Variants in MYADM observed in about 807,000 individuals in gnomAD.
MYADM encodes the protein myeloid associated differentiation marker, also known as myeloid-associated differentiation marker.
For synonymous variants in MYADM, 224 were observed against 210.2 expected (o/e 1.07, Z -0.57); for missense variants, 416 against 443.4 (o/e 0.94, Z 0.56).
Position 53,874,385 on chromosome 19 carries a change from T to A in MYADM, c.856T>A (p.Tyr286Asn). Reference protein sequence around the residue: ...DVSCSRSHAYYVCAWDRRLAV... With the variant: ...DVSCSRSHAYNVCAWDRRLAV... ...AAGCTGCAGCCGCAGCCATGCCTAC[T>A]ACGTGTGTGCCTGGGACCGCCGACT... The change falls in exon 3 of 3, where the codon TAC becomes AAC. Residue 286 changes from tyrosine to asparagine, a missense_variant. Tyr to Asn is a moderately radical substitution (Grantham distance 143, BLOSUM62 -2). Transcript: ENST00000391770. 2.5e-6 allele frequency: 4 copies of A among 1,614,208 alleles called. No homozygotes were observed. Among genetic ancestry groups the A allele is most frequent in the African/African-American group, 1.3e-5 (1 of 75,068 alleles).
intron 2 of MYADM, among the ~76,000 whole-genome samples, chr19:53,870,229 T>C (rs1296672384): frequency 7.8e-4 from 14 of 18,016 alleles, no homozygotes; most frequent in African/African-American, 4.5e-3. Flanking sequence ...GGGGCTGGGG[T>C]CTGGACTCCT....
At position 53,874,930 on chromosome 19, in the gene MYADM, C is replaced by T. The variant is rs1015401425; in HGVS notation, c.*432C>T. The stretch of plus-strand genomic sequence containing the variant: ...AGCTGGGAGGACAGGTGTGAGCTGC[C>T]GCACCCAGCCTGTTTCTCTTTTTCC... On this transcript the variant is annotated 3_prime_UTR_variant, in exon 3 of 3. Transcript: ENST00000391770. 3.0e-5 allele frequency: 5 copies of T among 168,050 alleles called. No homozygotes were observed. Among genetic ancestry groups the T allele is most frequent in the East Asian group, 1.9e-4 (1 of 5,208 alleles). 10.4% of individuals were successfully genotyped at this position (168,050 alleles called of 1,614,324 possible).
rs952273474 is a variant in MYADM at position 53,875,833 on chromosome 19, G to C, written c.*1335G>C. 3.7e-5 allele frequency: 6 copies of C among 164,196 alleles called. No homozygotes were observed. The highest frequency in any genetic ancestry group is 6.6e-5 in the Admixed American group (1 of 15,238). The allele number at this position is 164,196 out of a possible 1,614,324, so 10.2% of individuals were successfully genotyped here. On this transcript the variant is annotated 3_prime_UTR_variant, in exon 3 of 3. Coordinates refer to ENST00000391770, the MANE Select transcript of MYADM (RefSeq NM_138373.5). The stretch of plus-strand genomic sequence containing the variant: ...CCACTGTGCTCCAGCCTGGGGGACA[G>C]AGCGAGACTCCATCTCAAAAAAAAA...
intron 2 of MYADM, among the ~76,000 whole-genome samples, chr19:53,872,502 A>C (rs2068412084): frequency 6.6e-6 from 1 of 150,600 alleles, no homozygotes; most frequent in African/African-American, 2.4e-5. Flanking sequence ...GCCTATTTGT[A>C]ATTAAAAAAA....
Position 53,873,196 on chromosome 19 carries a change from C to A in MYADM, c.-2-332C>A, listed in dbSNP as rs1043959022. Reference sequence around the variant, plus strand: ...ACCATCCTGGCTAACACAGTGAAACCCCGTCTCTACTAAAAATACAAAAAA... The same window carrying A: ...ACCATCCTGGCTAACACAGTGAAACACCGTCTCTACTAAAAATACAAAAAA... On this transcript the variant is annotated intron_variant, in intron 2 of 2. Coordinates refer to ENST00000391770, the MANE Select transcript of MYADM (RefSeq NM_138373.5). The surrounding 1 kb of genome is among the most constrained non-coding windows in gnomAD (Gnocchi z 4.3). Among the ~76,000 whole-genome samples the A allele has an allele frequency of 2.6e-5, 4 of 151,890 alleles. No homozygotes were observed. The highest frequency in any genetic ancestry group is 7.3e-5 in the African/African-American group (3 of 41,378).
In MYADM at chr19:53,873,842, T is replaced by C. The variant is rs775929758; in HGVS notation, c.313T>C (p.Phe105Leu). 1.5e-5 allele frequency: 24 copies of C among 1,613,660 alleles called. No individual in the cohort carries two copies. The highest frequency in any genetic ancestry group is 1.9e-5 in the Non-Finnish European group (23 of 1,180,046). ...GTCTTGGCGCAACTTCCCCATCACC[T>C]TCGCCTGCTATGCGGCCCTCTTCTG... ...PLSWRNFPITFACYAALFCLS... is the reference protein window; with the variant it reads ...PLSWRNFPITLACYAALFCLS... The change falls in exon 3 of 3, where the codon TTC becomes CTC. Residue 105 changes from phenylalanine to leucine, a missense_variant. Physicochemically the swap from Phe to Leu is conservative, Grantham distance 22. Coordinates refer to ENST00000391770, the MANE Select transcript of MYADM (RefSeq NM_138373.5). This position sits in a 1 kb window ranked among gnomAD's most constrained non-coding sequence, Gnocchi z 4.3.
chr19:53,871,656 G>A (rs1399328865), intron 2 of MYADM, among the ~76,000 whole-genome samples: 2 of 152,184 alleles, frequency 1.3e-5, no homozygotes, highest in Admixed American at 6.5e-5. Flanking sequence ...GGGTCCCTGA[G>A]AGTGGAAGCC....
Position 53,876,217 on chromosome 19 carries a change from C to A in MYADM, c.*1719C>A, listed in dbSNP as rs936264304. On this transcript the variant is annotated 3_prime_UTR_variant, in exon 3 of 3. Transcript: ENST00000391770. ...GGGTGTTTCTGTGTGCTAGTTGCTT[C>A]TTGCTGCTGCTTCCTGCTTGTCTGG... The A allele has an allele frequency of 6.0e-6, 1 of 165,544 alleles. No individual in the cohort carries two copies. The highest frequency in any genetic ancestry group is 2.4e-5 in the African/African-American group (1 of 41,108). The allele number at this position is 165,544 out of a possible 1,614,324, so 10.3% of individuals were successfully genotyped here. A position where few individuals can be genotyped will look rare whatever the true frequency, so the allele number is the denominator to read the frequency against.
At chr19:53,872,175 A>G (rs1042566073) in intron 2 of MYADM, among the ~76,000 whole-genome samples, 1 of 151,934 alleles carries the variant, frequency 6.6e-6, no homozygotes, top group African/African-American at 2.4e-5. Flanking sequence ...CTGGGATTAC[A>G]GGCATGAGCC....
At chr19:53,871,321 G>A (rs1401316183) in intron 2 of MYADM, among the ~76,000 whole-genome samples, 1 of 152,226 alleles carries the variant, frequency 6.6e-6, no homozygotes, top group Non-Finnish European at 1.5e-5. Context: ...GAAATCTGGG[G>A]AGCTGAGTTT....
rs1386562851 is a variant in MYADM, at chr19:53,873,894, C to T, written c.365C>T (p.Thr122Ile). 1.9e-6 allele frequency: 3 copies of T among 1,612,946 alleles called. No individual in the cohort carries two copies. The highest frequency in any genetic ancestry group is 2.5e-6 in the Non-Finnish European group (3 of 1,180,042). The change falls in exon 3 of 3, where the codon ACC (threonine) becomes ATC (isoleucine). Residue 122 changes from threonine (T) to isoleucine (I), a missense_variant. Transcript: ENST00000391770. This position sits in a 1 kb window ranked among gnomAD's most constrained non-coding sequence, Gnocchi z 4.3. The part of the protein sequence containing the change: ...FCLSASIIYP[T>I]TYVQFLSHGR... The stretch of plus-strand genomic sequence containing the variant: ...CTCTCGGCCTCCATCATCTACCCCA[C>T]CACCTATGTCCAGTTCCTGTCCCAC...
At position 53,873,261 on chromosome 19, in the gene MYADM, A is replaced by C. The variant is rs898760980; in HGVS notation, c.-2-267A>C. Among the ~76,000 whole-genome samples, 1 of 152,066 alleles carries C rather than the reference A, an allele frequency of 6.6e-6. No homozygotes were observed. The highest frequency in any genetic ancestry group is 2.4e-5 in the African/African-American group (1 of 41,418). On this transcript the variant is annotated intron_variant, in intron 2 of 2. Coordinates refer to ENST00000391770, the MANE Select transcript of MYADM (RefSeq NM_138373.5). The surrounding 1 kb of genome is among the most constrained non-coding windows in gnomAD (Gnocchi z 4.3). ...GTGGCACATGCCTGTAATCTCAGCTACTCGGGAGGCTGAGGCAGGAGAATC... is the reference window on the plus strand; with the variant it reads ...GTGGCACATGCCTGTAATCTCAGCTCCTCGGGAGGCTGAGGCAGGAGAATC...
Position 53,868,677 on chromosome 19 carries a change from C to T in MYADM, c.-88+734C>T, listed in dbSNP as rs1408409514. Among the ~76,000 whole-genome samples the T allele has an allele frequency of 1.3e-5, 2 of 151,726 alleles. No individual in the cohort carries two copies. Among genetic ancestry groups the T allele is most frequent in the African/African-American group, 2.4e-5 (1 of 41,300 alleles). On this transcript the variant is annotated intron_variant, in intron 1 of 2. Coordinates refer to ENST00000391770, the MANE Select transcript of MYADM (RefSeq NM_138373.5). This position sits in a 1 kb window ranked among gnomAD's most constrained non-coding sequence, Gnocchi z 6.3. ...TTCTCAGCGTGAGCGATGGGTGTGG[C>T]GTCTGGAGTGGACGAGGGAGGACAC...
chr19:53,873,826 C>G lies in MYADM; in HGVS notation c.297C>G (p.Arg99=), dbSNP rs779487203. 174 of 1,613,610 alleles carry G rather than the reference C, an allele frequency of 1.1e-4. No homozygotes were observed. The highest frequency in any genetic ancestry group is 1.4e-4 in the Non-Finnish European group (170 of 1,180,052). The change falls in exon 3 of 3, where the codon CGC becomes CGG. Residue 99 remains arginine (R), a synonymous_variant. Coordinates refer to ENST00000391770, the MANE Select transcript of MYADM (RefSeq NM_138373.5). This position sits in a 1 kb window ranked among gnomAD's most constrained non-coding sequence, Gnocchi z 4.3. ...GLQARFPLSW[R]NFPITFACYA... is the part of the protein sequence containing the mutation. ...AGGCCCGCTTCCCCCTGTCTTGGCG[C>G]AACTTCCCCATCACCTTCGCCTGCT...
chr19:53,874,876 A>T lies in MYADM; in HGVS notation c.*378A>T. The T allele has an allele frequency of 5.9e-6, 1 of 168,684 alleles. No homozygotes were observed. The allele number at this position is 168,684 out of a possible 1,614,324, so 10.4% of individuals were successfully genotyped here. On this transcript the variant is annotated 3_prime_UTR_variant, in exon 3 of 3. Coordinates refer to ENST00000391770, the MANE Select transcript of MYADM (RefSeq NM_138373.5). ...CTGCAACCCCCGCCTCCTGGGTTCA[A>T]GCGATTCTCCTGCCCCAGCCTCCCA...
intron 2 of MYADM, among the ~76,000 whole-genome samples, chr19:53,872,515 T>A (rs982568233): frequency 1.3e-5 from 2 of 149,964 alleles, no homozygotes; most frequent in Admixed American, 6.7e-5. Flanking sequence ...TAAAAAAAAT[T>A]TTTTTTTTTT....
upstream of MYADM, among the ~76,000 whole-genome samples, chr19:53,867,553 G>A (rs1283687520): frequency 2.6e-5 from 4 of 152,160 alleles, no homozygotes; most frequent in Non-Finnish European, 5.9e-5. Context: ...GGTCTTCCCT[G>A]GCCTACCCGG....
At position 53,874,644 on chromosome 19, in the gene MYADM, A is replaced by G. The variant is rs934606482; in HGVS notation, c.*146A>G. On this transcript the variant is annotated 3_prime_UTR_variant, in exon 3 of 3. Coordinates refer to ENST00000391770, the MANE Select transcript of MYADM (RefSeq NM_138373.5). ...CTCCCACCTTTTTCTTTCCTTCCCA[A>G]TTCCTTGCACTCTAACCAGTTCTTG... 3 of 888,392 alleles carry G rather than the reference A, an allele frequency of 3.4e-6. No homozygotes were observed. The highest frequency in any genetic ancestry group is 2.8e-5 in the East Asian group (1 of 35,126). 55.0% of individuals were successfully genotyped at this position (888,392 alleles called of 1,614,324 possible). A position where few individuals can be genotyped will look rare whatever the true frequency, so the allele number is the denominator to read the frequency against.
At position 53,874,224 on chromosome 19, in the gene MYADM, T is replaced by A; in HGVS notation, c.695T>A (p.Leu232Gln). ...AACCTGGGGGAGTGCACCAACGTGC[T>A]ACCCATCCCCTTCCCCAGCTTCCTG... ...LLNLGECTNVLPIPFPSFLSG... is the reference protein window; with the variant it reads ...LLNLGECTNVQPIPFPSFLSG... Residue 232 changes from leucine to glutamine, a missense_variant, in exon 3 of 3, where the codon CTA (leucine) becomes CAA (glutamine). By Grantham distance (113) the Leu-to-Gln change is moderately radical. Transcript: ENST00000391770. 6.2e-7 allele frequency: 1 copy of A among 1,612,174 alleles called. No individual in the cohort carries two copies. The highest frequency in any genetic ancestry group is 1.3e-5 in the African/African-American group (1 of 75,036).
Sources: allele counts gnomAD v4.1 joint callset (sites outside exome capture counted in the v4.1 genomes callset), GRCh38; gene constraint gnomAD v4.1.1; non-coding constraint Gnocchi (gnomAD v3.1); transcripts MANE v1.5; gene names NCBI Gene and HGNC (gene_info 2026-07-23, HGNC 2026-07-21).